TRAPPC9: variants seen among roughly 807,000 people sequenced by gnomAD.
TRAPPC9 encodes IKK2 binding protein.
TRAPPC9 carries 83 observed loss-of-function variants against 124.0 expected under a neutral mutation model. The observed-to-expected ratio is 0.67, with a 90% CI of 0.56 to 0.80. The LOEUF is 0.80. TRAPPC9 is among the 30% of genes least tolerant of loss of function. TRAPPC9 has a pLI of 0.00. For missense variants in TRAPPC9, 1,302 were observed against 1,508.3 expected (o/e 0.86, Z 2.27); for synonymous variants, 638 against 617.5 (o/e 1.03, Z -0.49).
At chr8:140,050,648 C>T (rs111856361) in intron 17 of TRAPPC9, among the ~76,000 whole-genome samples, 2,048 of 152,238 alleles carry the variant, frequency 0.013, 17 homozygotes, top group Non-Finnish European at 0.022. Flanking sequence ...CACCTCCACC[C>T]GGGGCACAGG....
chr8:140,373,565 C>G (rs916548885), intron 7 of TRAPPC9, among the ~76,000 whole-genome samples: 1 of 151,992 alleles, frequency 6.6e-6, no homozygotes, highest in Non-Finnish European at 1.5e-5. Context: ...TATCGGATCT[C>G]TGCCAGCCCC....
intron 9 of TRAPPC9, among the ~76,000 whole-genome samples, chr8:140,319,473 G>A (rs561597388): frequency 1.6e-4 from 23 of 145,518 alleles, no homozygotes; most frequent in African/African-American, 2.8e-4. Flanking sequence ...CACCGTGCCC[G>A]GCCAACTTTT....
chr8:140,387,519 A>G (rs1467018661), intron 7 of TRAPPC9, among the ~76,000 whole-genome samples: 2 of 152,184 alleles, frequency 1.3e-5, no homozygotes, highest in African/African-American at 4.8e-5. Flanking sequence ...AACTCAAACA[A>G]ATTTACAAGA....
At chr8:140,414,970 C>T (rs1012724802) in intron 5 of TRAPPC9, among the ~76,000 whole-genome samples, 1 of 151,994 alleles carries the variant, frequency 6.6e-6, no homozygotes, top group African/African-American at 2.4e-5. Flanking sequence ...GAACTCCTGA[C>T]CTCAAATGAT....
chr8:140,266,052 T>C (rs1271900797), intron 15 of TRAPPC9, among the ~76,000 whole-genome samples: 2 of 152,180 alleles, frequency 1.3e-5, no homozygotes, highest in Non-Finnish European at 2.9e-5. Flanking sequence ...CTGTGAACAT[T>C]TCTGGAAAAG....
chr8:140,313,701 A>C (rs1024682299), intron 9 of TRAPPC9, among the ~76,000 whole-genome samples: 5 of 152,040 alleles, frequency 3.3e-5, no homozygotes, highest in African/African-American at 1.2e-4. Flanking sequence ...CCCTGAAGGG[A>C]GTCAAATGCT....
intron 21 of TRAPPC9, among the ~76,000 whole-genome samples, chr8:139,790,023 T>C (rs1477193721): frequency 6.6e-6 from 1 of 152,158 alleles, no homozygotes; most frequent in East Asian, 1.9e-4. Flanking sequence ...ATTTGGGGCC[T>C]GGCCGGGCTG....
intron 17 of TRAPPC9, among the ~76,000 whole-genome samples, chr8:140,146,055 A>G (rs1430408600): frequency 6.6e-6 from 1 of 152,234 alleles, no homozygotes; most frequent in African/African-American, 2.4e-5. Flanking sequence ...GTGTATATTA[A>G]AGGTCCTAGT....
chr8:140,155,586 C>T (rs1472198785), intron 17 of TRAPPC9, among the ~76,000 whole-genome samples: 1 of 152,182 alleles, frequency 6.6e-6, no homozygotes, highest in Non-Finnish European at 1.5e-5. Flanking sequence ...TGCCTCCAAC[C>T]CTCGGGCTCT....
chr8:140,021,682 A>G (rs1441301807), intron 18 of TRAPPC9, among the ~76,000 whole-genome samples: 1 of 152,220 alleles, frequency 6.6e-6, no homozygotes, highest in African/African-American at 2.4e-5. Flanking sequence ...AGCACCTGAA[A>G]CTTTGGAAGT....
At chr8:140,217,226 T>C (rs62529309) in intron 17 of TRAPPC9, among the ~76,000 whole-genome samples, 3,618 of 152,260 alleles carry the variant, frequency 0.024, 65 homozygotes, top group African/African-American at 0.043. Flanking sequence ...GAGCGCCACA[T>C]CTGGTCCACT....
At chr8:140,125,658 G>C (rs1302804263) in intron 17 of TRAPPC9, among the ~76,000 whole-genome samples, 3 of 140,602 alleles carry the variant, frequency 2.1e-5, no homozygotes, top group South Asian at 2.3e-4. Context: ...GCAGTGGCGC[G>C]ATCTCGGCTC....
rs778917623 is a variant in TRAPPC9 at position 140,221,439 on chromosome 8, C to T, written c.2556+20G>A. The T allele has an allele frequency of 2.2e-5, 35 of 1,613,580 alleles. No individual in the cohort carries two copies. In the African/African-American group the frequency reaches 2.8e-4, roughly 13 times the overall value. ...AGCCCGAACGGCACGTGGCAGATGC[C>T]GTCTGCCATACCAACTCACCTTCAC... On this transcript the variant is annotated intron_variant, in intron 17 of 22. Coordinates refer to ENST00000438773, the MANE Select transcript of TRAPPC9 (RefSeq NM_001160372.4).
intron 17 of TRAPPC9, among the ~76,000 whole-genome samples, chr8:140,110,670 T>A (rs1456530450): frequency 1.1e-4 from 1 of 9,146 alleles, no homozygotes; most frequent in East Asian, 2.5e-3. Context: ...CCCCCCATGC[T>A]CCCCCTGCAG....
rs145187000 is a variant in TRAPPC9 at position 139,770,932 on chromosome 8, G to A, written c.3056-38730C>T. On this transcript the variant is annotated intron_variant, in intron 21 of 22. Transcript: ENST00000438773. The stretch of plus-strand genomic sequence containing the variant: ...AGGGAAGAGTCACCACGCCTCTCCT[G>A]ATGCGTCTGGGCTTCTGGGACCCTC... Among the ~76,000 whole-genome samples, 656 of 152,296 alleles carry A rather than the reference G, an allele frequency of 4.3e-3. 5 individuals are homozygous for A. The highest frequency in any genetic ancestry group is 6.8e-3 in the Middle Eastern group (2 of 294).
chr8:139,971,084 C>T (rs1161393299), intron 19 of TRAPPC9, among the ~76,000 whole-genome samples: 4 of 152,212 alleles, frequency 2.6e-5, no homozygotes, highest in East Asian at 1.9e-4. Context: ...CCAATGGCAC[C>T]CCCAGGCCCA....
At chr8:140,299,493 T>A (rs945365367) in intron 11 of TRAPPC9, among the ~76,000 whole-genome samples, 1 of 152,206 alleles carries the variant, frequency 6.6e-6, no homozygotes, top group Admixed American at 6.5e-5. Flanking sequence ...GCACTGGATA[T>A]CAAACACAGA....
At position 140,002,353 on chromosome 8, in the gene TRAPPC9, C is replaced by G. The variant is rs145831179; in HGVS notation, c.2700-13517G>C. ...TACATAAACAGAAGTATATGCAGTG[C>G]TCAGATTGGAAGGTGCAATATACTT... On this transcript the variant is annotated intron_variant, in intron 18 of 22. Coordinates refer to ENST00000438773, the MANE Select transcript of TRAPPC9 (RefSeq NM_001160372.4). Among the ~76,000 whole-genome samples the G allele has an allele frequency of 9.9e-4, 150 of 152,156 alleles. 1 individual carries two copies. Among genetic ancestry groups the G allele is most frequent in the African/African-American group, 3.4e-3 (143 of 41,522 alleles).
intron 7 of TRAPPC9, among the ~76,000 whole-genome samples, chr8:140,374,764 C>A (rs1287380814): frequency 1.3e-5 from 2 of 152,018 alleles, no homozygotes; most frequent in Admixed American, 6.6e-5. Context: ...AAGAGGTCAC[C>A]ATCTAAAATA....
Sources: gnomAD v4.1 joint callset for allele counts (sites outside exome capture counted in the v4.1 genomes callset) on GRCh38, gnomAD v4.1.1 for gene constraint, MANE v1.5 for transcripts, NCBI Gene and HGNC (gene_info 2026-07-23, HGNC 2026-07-21) for gene names.